Variants in ZBTB7C observed in about 807,000 individuals in gnomAD.
ZBTB7C encodes the protein zinc finger and BTB domain-containing protein 7C.
ZBTB7C carries 8 observed loss-of-function variants against 25.7 expected under a neutral mutation model. The ratio of observed to expected loss-of-function variants is 0.31; its 90% CI spans 0.18 to 0.56. The LOEUF (loss-of-function observed/expected upper bound fraction) is 0.56, where lower values mean the gene tolerates loss of function less well. Ranked by LOEUF, ZBTB7C falls within the 20% of genes least tolerant of loss-of-function variation. The pLI, the probability that ZBTB7C is intolerant of heterozygous loss-of-function variation, is 0.91. For synonymous variants in ZBTB7C, 394 were observed against 369.0 expected, an observed-to-expected ratio of 1.07 and a Z score of -0.78; for missense variants, 824 against 855.2, an observed-to-expected ratio of 0.96 and a Z score of 0.46.
intron 1 of ZBTB7C, among the ~76,000 whole-genome samples, chr18:48,351,716 G>T (rs541087494): frequency 5.9e-5 from 9 of 152,322 alleles, no homozygotes; most frequent in African/African-American, 2.2e-4. Context: ...TATTCAGGAA[G>T]ACAGGAAGCC....
chr18:48,337,835 T>C (rs1322597663), intron 2 of ZBTB7C, among the ~76,000 whole-genome samples: 1 of 152,214 alleles, frequency 6.6e-6, no homozygotes, highest in Non-Finnish European at 1.5e-5. Context: ...ATGAACTCCC[T>C]GTTTCCCACA....
rs186096090 is a variant in ZBTB7C at position 48,145,050 on chromosome 18, G to C, written c.-17+40884C>G. On this transcript the variant is annotated intron_variant, in intron 3 of 4. Coordinates refer to ENST00000590800, the MANE Select transcript of ZBTB7C (RefSeq NM_001318841.2). ...CCTCTGCTCTAGAATCTGGGTTAGA[G>C]ACTCAGGCAAACCGAGACTGGGTTG... Among the ~76,000 whole-genome samples the C allele has an allele frequency of 2.0e-4, 30 of 152,284 alleles. 1 individual carries two copies. Among genetic ancestry groups the C allele is most frequent in the Admixed American group, 1.8e-3 (27 of 15,294 alleles).
intron 3 of ZBTB7C, among the ~76,000 whole-genome samples, chr18:48,161,045 C>T (rs2041002078): frequency 1.3e-5 from 2 of 151,580 alleles, no homozygotes; most frequent in South Asian, 2.1e-4. Flanking sequence ...GGTTCCCACC[C>T]TTCTAAGGTT....
chr18:48,074,495 C>T (rs2037682641), intron 3 of ZBTB7C, among the ~76,000 whole-genome samples: 1 of 152,240 alleles, frequency 6.6e-6, no homozygotes, highest in African/African-American at 2.4e-5. Flanking sequence ...AATGGATGAG[C>T]ACCACTGGGC....
rs1322296668 is a variant in ZBTB7C, at chr18:48,180,039, GCTTC to G, written c.-17+5891_-17+5894del. Among the ~76,000 whole-genome samples, 51 of 91,984 alleles carry G rather than the reference GCTTC, an allele frequency of 5.5e-4. 1 individual carries two copies. Among genetic ancestry groups the G allele is most frequent in the African/African-American group, 2.0e-3 (46 of 22,482 alleles). The allele number at this position is 91,984 out of a possible 152,430, so 60.3% of individuals were successfully genotyped here. On this transcript the variant is annotated intron_variant, in intron 3 of 4. Transcript: ENST00000590800. ...CCCTTCCTTCCTTCCTTCCTTCCCT[GCTTC>G]CTTCCTTCCCTCCCTCCGTACCTTC...
At chr18:48,205,747 T>C (rs2042562439) in intron 2 of ZBTB7C, among the ~76,000 whole-genome samples, 1 of 152,034 alleles carries the variant, frequency 6.6e-6, no homozygotes, top group African/African-American at 2.4e-5. Flanking sequence ...TGGGACTCTC[T>C]GAAATGACTA....
chr18:48,136,460 T>C (rs531790575), intron 3 of ZBTB7C, among the ~76,000 whole-genome samples: 4 of 152,280 alleles, frequency 2.6e-5, no homozygotes, highest in African/African-American at 7.2e-5. Flanking sequence ...CTTTAATTTC[T>C]GCCCGTATCG....
At chr18:48,223,534 T>C (rs8084060) in intron 2 of ZBTB7C, among the ~76,000 whole-genome samples, 89,256 of 152,042 alleles carry the variant, frequency 0.59, 26,629 homozygotes, top group African/African-American at 0.7. Context: ...TTAAGCACCT[T>C]ACAATGGGCT....
intron 2 of ZBTB7C, among the ~76,000 whole-genome samples, chr18:48,205,930 A>C (rs557404400): frequency 6.6e-6 from 1 of 152,292 alleles, no homozygotes; most frequent in South Asian, 2.1e-4. Flanking sequence ...CACAATTAAA[A>C]TGAGTGCTTA....
intron 2 of ZBTB7C, among the ~76,000 whole-genome samples, chr18:48,334,237 T>A (rs1158548600): frequency 6.6e-6 from 1 of 152,114 alleles, no homozygotes; most frequent in African/African-American, 2.4e-5. Context: ...AAAGTAAAGA[T>A]GTCAGGGAAA....
chr18:48,174,550 T>C (rs1056705576), intron 3 of ZBTB7C, among the ~76,000 whole-genome samples: 1 of 152,242 alleles, frequency 6.6e-6, no homozygotes, highest in African/African-American at 2.4e-5. Context: ...GATAATCCCA[T>C]TTTTAGAATC....
At chr18:48,237,658 CA>C (rs35328343) in intron 2 of ZBTB7C, among the ~76,000 whole-genome samples, 2,906 of 137,582 alleles carry the variant, frequency 0.021, 38 homozygotes, top group Middle Eastern at 0.082. Context: ...GACCACTTTG[CA>C]AAAAAAAAAA....
At chr18:48,119,052 C>T (rs559224738) in intron 3 of ZBTB7C, among the ~76,000 whole-genome samples, 1 of 152,100 alleles carries the variant, frequency 6.6e-6, no homozygotes, top group East Asian at 1.9e-4. Flanking sequence ...TCAGAATCAC[C>T]TGCACGGCTT....
At chr18:48,287,669 T>C (rs911256554) in intron 2 of ZBTB7C, among the ~76,000 whole-genome samples, 2 of 152,156 alleles carry the variant, frequency 1.3e-5, no homozygotes, top group Admixed American at 6.5e-5. Context: ...TGATAAATAA[T>C]TGATAAACCA....
chr18:48,327,303 C>A (rs1269661938), intron 2 of ZBTB7C, among the ~76,000 whole-genome samples: 1 of 152,192 alleles, frequency 6.6e-6, no homozygotes, highest in Admixed American at 6.5e-5. Flanking sequence ...GCTCCTGATG[C>A]CCTGTGGTTC....
intron 3 of ZBTB7C, among the ~76,000 whole-genome samples, chr18:48,155,503 A>ATT (rs796221679): frequency 3.0e-5 from 4 of 133,970 alleles, no homozygotes; most frequent in African/African-American, 1.1e-4. Flanking sequence ...AATTTTTTGT[A>ATT]TTTTTTTTTT....
chr18:48,181,920 T>G (rs1428785029), intron 3 of ZBTB7C, among the ~76,000 whole-genome samples: 1 of 152,236 alleles, frequency 6.6e-6, no homozygotes, highest in Non-Finnish European at 1.5e-5. Flanking sequence ...CCTTCTCTTT[T>G]TAATATAATG....
chr18:48,027,925 C>T lies in ZBTB7C; in HGVS notation c.*1335G>A, dbSNP rs2035578511. On this transcript the variant is annotated 3_prime_UTR_variant, in exon 5 of 5. Coordinates refer to ENST00000590800, the MANE Select transcript of ZBTB7C (RefSeq NM_001318841.2). ...AGAACCAGGAGAACATGTGACAACTCTAACTCACAGAGCCCTTCAAACCTC... is the reference window on the plus strand; with the variant it reads ...AGAACCAGGAGAACATGTGACAACTTTAACTCACAGAGCCCTTCAAACCTC... 6.6e-6 allele frequency: 1 copy of T among 152,268 alleles called. No individual in the cohort carries two copies. The allele number at this position is 152,268 out of a possible 1,614,324, so 9.4% of individuals were successfully genotyped here.
chr18:48,238,260 G>GA (rs1339925527), intron 2 of ZBTB7C, among the ~76,000 whole-genome samples: 9 of 152,292 alleles, frequency 5.9e-5, no homozygotes, highest in Non-Finnish European at 1.2e-4. Context: ...GCACTTTCCT[G>GA]AAAAAATGGC....
Sources: allele counts gnomAD v4.1 joint callset (sites outside exome capture counted in the v4.1 genomes callset), GRCh38; gene constraint gnomAD v4.1.1; transcripts MANE v1.5; gene names NCBI Gene and HGNC (gene_info 2026-07-23, HGNC 2026-07-21).